Variants in CDK5RAP2 observed in about 807,000 individuals in gnomAD.
CDK5RAP2 encodes the protein CDK5 regulatory subunit-associated protein 2.
A neutral mutation model predicts 232.9 loss-of-function variants in CDK5RAP2; 147 were observed. The ratio of observed to expected loss-of-function variants is 0.63; its 90% CI spans 0.55 to 0.72. The LOEUF (loss-of-function observed/expected upper bound fraction) is 0.72. Ranked by LOEUF, CDK5RAP2 falls within the 30% of genes least tolerant of loss-of-function variation. The probability of loss-of-function intolerance (pLI) is 0.00; values close to 1 mark genes in which losing one functional copy is unlikely to be tolerated. For missense variants in CDK5RAP2, 2,195 were observed against 2,231.5 expected (o/e 0.98, Z 0.33); for synonymous variants, 833 against 833.7 (o/e 1.00, Z 0.01).
intron 8 of CDK5RAP2, 119 bp from the exon 9 acceptor site, chr9:120,528,916 G>C (rs764617246): frequency 2.7e-6 from 2 of 737,184 alleles, no homozygotes; most frequent in Admixed American, 2.0e-5. Context: ...TGTGGAACTC[G>C]TTAAAACAAG....
Position 120,439,532 on chromosome 9 carries a change from T to G in CDK5RAP2, c.3589A>C (p.Arg1197=). 1 of 1,614,240 alleles carries G rather than the reference T, an allele frequency of 6.2e-7. No individual in the cohort carries two copies. The highest frequency in any genetic ancestry group is 1.1e-5 in the South Asian group (1 of 91,088). ...TGCTGTTTGAGGTTCTCCAGCACCC[T>G]GCTGTCAATCATCTCTGGGGCCAGC... is the stretch of plus-strand genomic sequence containing the variant. ...GPLAPEMIDS[R]VLENLKQQLE... is the part of the protein sequence containing the mutation. Residue 1197 remains arginine (R), a synonymous_variant, in exon 24 of 38, where the codon AGG becomes CGG. Transcript: ENST00000349780.
At chr9:120,576,813 T>C (rs2043050040) in intron 1 of CDK5RAP2, among the ~76,000 whole-genome samples, 1 of 152,110 alleles carries the variant, frequency 6.6e-6, no homozygotes, top group African/African-American at 2.4e-5. Context: ...CAGTGGCTTG[T>C]GTCTGTAATC....
intron 3 of CDK5RAP2, among the ~76,000 whole-genome samples, chr9:120,561,731 G>A (rs960040283): frequency 6.6e-6 from 1 of 152,212 alleles, no homozygotes; most frequent in African/African-American, 2.4e-5. Flanking sequence ...TAACATAAGT[G>A]AATTTGCATA....
chr9:120,473,933 G>A (rs940828713), intron 15 of CDK5RAP2, among the ~76,000 whole-genome samples: 1 of 152,176 alleles, frequency 6.6e-6, no homozygotes, highest in African/African-American at 2.4e-5. Flanking sequence ...AAGGTGTGAG[G>A]AGTTGGGAGA....
rs1491439827 is a variant in CDK5RAP2, at chr9:120,546,988, T to TC, written c.307-1199_307-1198insG. On this transcript the variant is annotated intron_variant, in intron 4 of 37. Coordinates refer to ENST00000349780, the MANE Select transcript of CDK5RAP2 (RefSeq NM_018249.6). ...AATACATGTGTTTTTTGTTTTTTCG[T>TC]TTTTTTTGTTTTTTTGAGATGAAAT... 1.9e-3 allele frequency among the ~76,000 whole-genome samples: 11 copies of TC among 5,724 alleles called. No individual in the cohort carries two copies. In the Admixed American group the frequency reaches 0.028, roughly 15 times the overall value. The allele number at this position is 5,724 out of a possible 152,430, so 3.8% of individuals were successfully genotyped here.
chr9:120,502,216 C>T (rs1368483622), intron 12 of CDK5RAP2, among the ~76,000 whole-genome samples: 1 of 152,222 alleles, frequency 6.6e-6, no homozygotes, highest in Non-Finnish European at 1.5e-5. Flanking sequence ...CTGTGTTAAG[C>T]CAGCCATTTA....
At chr9:120,470,089 C>G (rs1180112613) in intron 17 of CDK5RAP2, 22 bp downstream of exon 17, 1 of 1,206,148 alleles carries the variant, frequency 8.3e-7, no homozygotes. Context: ...AAGAAAAGCA[C>G]TAAAAATTAA....
At chr9:120,408,084 C>T (rs2033600227) in intron 31 of CDK5RAP2, 1 of 497,088 alleles carries the variant, frequency 2.0e-6, no homozygotes, top group East Asian at 3.9e-5. Flanking sequence ...GTGAAGTGGC[C>T]TACTGAGGGT....
Position 120,484,395 on chromosome 9 carries a change from T to C in CDK5RAP2, c.1626+2899A>G, listed in dbSNP as rs543948003. 4.6e-5 allele frequency among the ~76,000 whole-genome samples: 7 copies of C among 152,292 alleles called. No individual in the cohort carries two copies. The East Asian group carries it at 1.4e-3, about 29-fold the overall frequency. ...ACAATTCTTAAGTGATCACTTAAAA[T>C]TCCTTTGTTGCTGTTGTTTTGTTTT... On this transcript the variant is annotated intron_variant, in intron 14 of 37. Transcript: ENST00000349780.
chr9:120,476,678 C>T (rs79626934), intron 15 of CDK5RAP2, among the ~76,000 whole-genome samples: 1 of 85,732 alleles, frequency 1.2e-5, no homozygotes, highest in Non-Finnish European at 2.4e-5. Flanking sequence ...GACTCCATCT[C>T]AAAAAAAAAA....
intron 35 of CDK5RAP2, among the ~76,000 whole-genome samples, chr9:120,395,480 G>A (rs2032381797): frequency 6.6e-6 from 1 of 152,218 alleles, no homozygotes; most frequent in Non-Finnish European, 1.5e-5. Flanking sequence ...AGTCCCCAGT[G>A]CTCTGAGGTG....
chr9:120,551,007 T>A, intron 3 of CDK5RAP2, 105 bp from the exon 4 acceptor site: 1 of 747,812 alleles, frequency 1.3e-6, no homozygotes, highest in Non-Finnish European at 2.4e-6. Context: ...CAAAACTGAT[T>A]CAAATGTTAA....
At chr9:120,563,195 G>C (rs969577025) in intron 3 of CDK5RAP2, among the ~76,000 whole-genome samples, 1 of 152,154 alleles carries the variant, frequency 6.6e-6, no homozygotes, top group Non-Finnish European at 1.5e-5. Flanking sequence ...AGGAAAGGGA[G>C]AAAGGGTGTC....
At chr9:120,411,278 C>A in intron 29 of CDK5RAP2, 80 bp downstream of exon 29, 3 of 876,512 alleles carry the variant, frequency 3.4e-6, no homozygotes, top group South Asian at 2.6e-5. Context: ...TTAGGTTGGT[C>A]AGACTCCAAT....
chr9:120,540,144 C>T (rs913800329), intron 5 of CDK5RAP2, among the ~76,000 whole-genome samples: 5 of 152,144 alleles, frequency 3.3e-5, no homozygotes, highest in African/African-American at 9.7e-5. Context: ...GTGGTGGGAA[C>T]GGCACGCCCA....
intron 17 of CDK5RAP2, among the ~76,000 whole-genome samples, chr9:120,468,785 A>C (rs910587035): frequency 2.0e-5 from 3 of 152,248 alleles, no homozygotes; most frequent in Non-Finnish European, 4.4e-5. Context: ...ACACAGAAGG[A>C]ACAAGCAGAC....
intron 3 of CDK5RAP2, among the ~76,000 whole-genome samples, chr9:120,556,763 C>T (rs1232451984): frequency 6.6e-6 from 1 of 152,062 alleles, no homozygotes; most frequent in Non-Finnish European, 1.5e-5. Context: ...TAAAAGAAAA[C>T]GATAAGCATA....
intron 32 of CDK5RAP2, among the ~76,000 whole-genome samples, chr9:120,405,144 T>A (rs1418690403): frequency 6.6e-6 from 1 of 152,122 alleles, no homozygotes; most frequent in East Asian, 1.9e-4. Flanking sequence ...AGCCAGGAGG[T>A]CAGCTCCATA....
chr9:120,466,410 G>A (rs752300032), intron 18 of CDK5RAP2, among the ~76,000 whole-genome samples: 30 of 152,072 alleles, frequency 2.0e-4, no homozygotes, highest in Non-Finnish European at 4.0e-4. Context: ...GAAGAACAAG[G>A]CTATTCATGG....
Sources: gnomAD v4.1 joint callset for allele counts (sites outside exome capture counted in the v4.1 genomes callset) on GRCh38, gnomAD v4.1.1 for gene constraint, MANE v1.5 for transcripts, NCBI Gene and HGNC (gene_info 2026-07-23, HGNC 2026-07-21) for gene names.